KCNB2: variants seen among roughly 807,000 people sequenced by gnomAD.
The protein encoded by KCNB2 is potassium voltage-gated channel subfamily B member 2.
Under a neutral mutation model 61.5 loss-of-function variants are expected in KCNB2, and 15 were observed. The observed-to-expected ratio is 0.24, with a 90% CI of 0.16 to 0.38. The LOEUF (loss-of-function observed/expected upper bound fraction) is 0.38, where lower values mean the gene tolerates loss of function less well. Among genes scored for constraint, KCNB2 ranks in the 10% least tolerant of loss-of-function variants. KCNB2 has a pLI of 1.00. For synonymous variants in KCNB2, 457 were observed against 446.0 expected (o/e 1.02, Z -0.31); for missense variants, 828 against 1,125.2 (o/e 0.74, Z 3.78).
At chr8:72,680,546 G>A (rs1806733923) in intron 2 of KCNB2, among the ~76,000 whole-genome samples, 1 of 152,132 alleles carries the variant, frequency 6.6e-6, no homozygotes, top group Admixed American at 6.6e-5. Flanking sequence ...TGGAACAGCT[G>A]GTAAAGCAGA....
intron 1 of KCNB2, among the ~76,000 whole-genome samples, chr8:72,549,346 C>T (rs779812757): frequency 2.0e-5 from 3 of 152,186 alleles, no homozygotes; most frequent in Non-Finnish European, 2.9e-5. Flanking sequence ...AGAATGTTAG[C>T]GATTTGGCAT....
chr8:72,604,989 C>A (rs909899149), intron 2 of KCNB2, among the ~76,000 whole-genome samples: 1 of 152,196 alleles, frequency 6.6e-6, no homozygotes, highest in African/African-American at 2.4e-5. Flanking sequence ...ATAACTTTAT[C>A]AGCAGTCTTG....
intron 2 of KCNB2, among the ~76,000 whole-genome samples, chr8:72,568,860 A>G (rs1273317659): frequency 6.6e-6 from 1 of 152,106 alleles, no homozygotes; most frequent in Admixed American, 6.5e-5. Flanking sequence ...AATGTCCAGA[A>G]TGCATCCACG....
intron 2 of KCNB2, among the ~76,000 whole-genome samples, chr8:72,887,909 G>A (rs1453778528): frequency 6.6e-6 from 1 of 152,152 alleles, no homozygotes; most frequent in Non-Finnish European, 1.5e-5. Context: ...ATCCTCTTCA[G>A]CCTATTCCCT....
intron 1 of KCNB2, among the ~76,000 whole-genome samples, chr8:72,540,611 A>G (rs1806175057): frequency 6.6e-6 from 1 of 152,112 alleles, no homozygotes; most frequent in South Asian, 2.1e-4. Context: ...TTTTAGTCAC[A>G]TTCTACAAGT....
intron 2 of KCNB2, chr8:72,750,828 A>G: frequency 6.6e-6 from 1 of 152,180 alleles, no homozygotes. Context: ...CACCTTATCA[A>G]CAGTAATAAT....
chr8:72,561,338 G>A (rs1806507736), intron 1 of KCNB2, among the ~76,000 whole-genome samples: 1 of 151,690 alleles, frequency 6.6e-6, no homozygotes, highest in Non-Finnish European at 1.5e-5. Flanking sequence ...TGTATTTTTT[G>A]TAGAGATGGG....
At chr8:72,570,060 C>T (rs1806685927) in intron 2 of KCNB2, among the ~76,000 whole-genome samples, 1 of 152,136 alleles carries the variant, frequency 6.6e-6, no homozygotes, top group South Asian at 2.1e-4. Context: ...TGATTTCCTA[C>T]ACAAGGGAGT....
intron 2 of KCNB2, among the ~76,000 whole-genome samples, chr8:72,828,302 C>T (rs1166490613): frequency 6.6e-6 from 1 of 152,142 alleles, no homozygotes; most frequent in African/African-American, 2.4e-5. Flanking sequence ...CATCTAATGT[C>T]CTGAGTGCTT....
intron 2 of KCNB2, among the ~76,000 whole-genome samples, chr8:72,899,277 G>A (rs1186503490): frequency 6.6e-6 from 1 of 152,092 alleles, no homozygotes; most frequent in Non-Finnish European, 1.5e-5. Flanking sequence ...CAAGCCCACA[G>A]CCAACATCAC....
At chr8:72,735,599 G>A (rs773949180) in intron 2 of KCNB2, among the ~76,000 whole-genome samples, 8 of 152,100 alleles carry the variant, frequency 5.3e-5, no homozygotes, top group Non-Finnish European at 1.0e-4. Context: ...CTTCATCAAG[G>A]CTGACCTTTC....
chr8:72,592,078 A>T (rs749095802), intron 2 of KCNB2, among the ~76,000 whole-genome samples: 10 of 152,124 alleles, frequency 6.6e-5, no homozygotes, highest in Non-Finnish European at 1.2e-4. Flanking sequence ...CAAGTACTGG[A>T]TATATTTAGG....
chr8:72,769,224 A>T (rs1237803437), intron 2 of KCNB2, among the ~76,000 whole-genome samples: 1 of 152,062 alleles, frequency 6.6e-6, no homozygotes, highest in Non-Finnish European at 1.5e-5. Flanking sequence ...TAATATTTTC[A>T]TTGATTAAAA....
intron 2 of KCNB2, among the ~76,000 whole-genome samples, chr8:72,830,997 T>C (rs930834994): frequency 2.6e-5 from 4 of 152,250 alleles, no homozygotes; most frequent in Non-Finnish European, 5.9e-5. Context: ...ATTTCTGTTT[T>C]GTTATCCTGC....
chr8:72,740,391 A>T (rs1359209922), intron 2 of KCNB2, among the ~76,000 whole-genome samples: 2 of 152,172 alleles, frequency 1.3e-5, no homozygotes, highest in Non-Finnish European at 2.9e-5. Flanking sequence ...TCAGCTCTCA[A>T]CGTAACTGGC....
chr8:72,727,214 G>T (rs567731483), intron 2 of KCNB2, among the ~76,000 whole-genome samples: 2 of 151,992 alleles, frequency 1.3e-5, no homozygotes, highest in African/African-American at 2.4e-5. Context: ...TTTTTTATAC[G>T]TCCCCCCCAG....
chr8:72,654,755 C>T (rs977498649), intron 2 of KCNB2, among the ~76,000 whole-genome samples: 1 of 151,968 alleles, frequency 6.6e-6, no homozygotes, highest in Non-Finnish European at 1.5e-5. Flanking sequence ...TCTCCTAGAA[C>T]ATGGGAAAGA....
intron 2 of KCNB2, among the ~76,000 whole-genome samples, chr8:72,772,492 G>A (rs562546215): frequency 2.0e-5 from 3 of 152,296 alleles, no homozygotes; most frequent in South Asian, 2.1e-4. Flanking sequence ...GAGGAATCCC[G>A]AGATGAAAAG....
intron 2 of KCNB2, among the ~76,000 whole-genome samples, chr8:72,849,403 A>G (rs2129003187): frequency 6.6e-6 from 1 of 152,272 alleles, no homozygotes; most frequent in East Asian, 1.9e-4. Flanking sequence ...TAGTCACCCT[A>G]TAGTGTAAAG....
Sources: allele counts gnomAD v4.1 joint callset (sites outside exome capture counted in the v4.1 genomes callset), GRCh38; gene constraint gnomAD v4.1.1; transcripts MANE v1.5; gene names NCBI Gene and HGNC (gene_info 2026-07-23, HGNC 2026-07-21).